Variants in TRIM43B observed in about 807,000 individuals in gnomAD.
TRIM43B encodes tripartite motif containing 43B.
Under a neutral mutation model 27.0 loss-of-function variants are expected in TRIM43B, and 15 were observed. The observed-to-expected ratio is 0.55, with a 90% CI of 0.37 to 0.85. The LOEUF is 0.85. TRIM43B is among the 40% of genes least tolerant of loss of function. TRIM43B has a pLI of 0.00. For missense variants in TRIM43B, 172 were observed against 289.8 expected (o/e 0.59, Z 2.95); for synonymous variants, 69 against 97.8 (o/e 0.71, Z 1.74).
At position 95,482,300 on chromosome 2, in the gene TRIM43B, T is replaced by G; in HGVS notation, c.411+4A>C. On this transcript the variant is annotated splice_donor_region_variant and intron_variant, in intron 2 of 6. Transcript: ENST00000639673. Reference sequence around the variant, plus strand: ...TTTCAGGTGATCACAGAGCTATCTCTTACCCGGTCTTCCTCAGCTGCCTCT... The same window carrying G: ...TTTCAGGTGATCACAGAGCTATCTCGTACCCGGTCTTCCTCAGCTGCCTCT... 6.2e-7 allele frequency: 1 copy of G among 1,611,480 alleles called. No homozygotes were observed. The highest frequency in any genetic ancestry group is 8.5e-7 in the Non-Finnish European group (1 of 1,179,672).
intron 1 of TRIM43B, among the ~76,000 whole-genome samples, chr2:95,484,068 TAAAAAAAA>T (rs33962775): frequency 9.2e-6 from 1 of 108,420 alleles, no homozygotes; most frequent in Non-Finnish European, 1.8e-5. Flanking sequence ...TATATAAATT[TAAAAAAAA>T]AAAAAAAAAA....
exon 2 of TRIM43B, chr2:95,482,546 C>G (rs772886426): frequency 6.2e-7 from 1 of 1,611,788 alleles, no homozygotes; most frequent in East Asian, 2.2e-5. Flanking sequence ...GGTGATGGTT[C>G]CCTGCATGCA....
At chr2:95,480,766 C>G (rs1293568251) in intron 3 of TRIM43B, among the ~76,000 whole-genome samples, 1 of 152,110 alleles carries the variant, frequency 6.6e-6, no homozygotes, top group Non-Finnish European at 1.5e-5. Context: ...AATTAGAAAA[C>G]AACTAAAATT....
At chr2:95,481,739 A>G (rs765719673) in intron 2 of TRIM43B, 49 bp from the exon 3 acceptor site, 2 of 1,585,082 alleles carry the variant, frequency 1.3e-6, no homozygotes, top group Admixed American at 3.5e-5. Flanking sequence ...CAAAGATTCC[A>G]CCATCTGAGT....
chr2:95,483,590 G>T (rs1287037063), intron 1 of TRIM43B, among the ~76,000 whole-genome samples: 1 of 151,284 alleles, frequency 6.6e-6, no homozygotes, highest in African/African-American at 2.4e-5. Flanking sequence ...AGGCCGAGGT[G>T]GCTGAGGCTG....
intron 1 of TRIM43B, among the ~76,000 whole-genome samples, chr2:95,484,111 C>T (rs933458876): frequency 6.7e-6 from 1 of 150,272 alleles, no homozygotes. Context: ...TGGCTCAGGC[C>T]TGTAATCCCA....
At chr2:95,483,358 G>A (rs552660545) in intron 1 of TRIM43B, among the ~76,000 whole-genome samples, 1 of 152,170 alleles carries the variant, frequency 6.6e-6, no homozygotes, top group East Asian at 1.9e-4. Flanking sequence ...AAACTTTCTG[G>A]CATGTTTCCT....
intron 2 of TRIM43B, 22 bp from the exon 3 acceptor site, chr2:95,481,712 A>T: frequency 6.2e-7 from 1 of 1,606,686 alleles, no homozygotes; most frequent in South Asian, 1.1e-5. Context: ...TTAAAGGTTG[A>T]ACAGAAAGTC....
chr2:95,480,467 C>T (rs1157029157), exon 4 of TRIM43B: 6 of 1,603,432 alleles, frequency 3.7e-6, no homozygotes, highest in Admixed American at 1.7e-5. Context: ...GTTTTTCTTC[C>T]TTATGGAGAA....
At position 95,484,641 on chromosome 2, in the gene TRIM43B, T is replaced by C. The variant is rs553593406; in HGVS notation, c.-40A>G. 72 of 152,260 alleles carry C rather than the reference T, an allele frequency of 4.7e-4. 1 individual carries two copies. The highest frequency in any genetic ancestry group is 1.5e-3 in the African/African-American group (64 of 41,576). 9.4% of individuals were successfully genotyped at this position (152,260 alleles called of 1,614,324 possible). ...TATCTATGTTCTCACCAAAGCTTGCTGTCGAATCAGATGGATTCAGCTCAG... is the reference window on the plus strand; with the variant it reads ...TATCTATGTTCTCACCAAAGCTTGCCGTCGAATCAGATGGATTCAGCTCAG... On this transcript the variant is annotated 5_prime_UTR_variant, in exon 1 of 7. Coordinates refer to ENST00000639673, the Ensembl canonical transcript of TRIM43B.
intron 2 of TRIM43B, 96 bp from the exon 3 acceptor site, chr2:95,481,786 T>C (rs1683531647): frequency 7.5e-7 from 1 of 1,338,204 alleles, no homozygotes. Context: ...TATAAATACA[T>C]TAGTGAGAGG....
intron 2 of TRIM43B, 86 bp downstream of exon 2, chr2:95,482,218 G>A (rs1236366994): frequency 7.5e-7 from 1 of 1,336,344 alleles, no homozygotes; most frequent in South Asian, 1.5e-5. Flanking sequence ...AAAGAATGGA[G>A]TAATCACCGT....
chr2:95,481,492 G>A (rs1573603812), intron 3 of TRIM43B, 103 bp downstream of exon 3: 18 of 893,370 alleles, frequency 2.0e-5, no homozygotes, highest in Non-Finnish European at 2.8e-5. Context: ...ATAAACACAT[G>A]ACAAAATCTG....
chr2:95,484,272 G>A (rs531712608), intron 1 of TRIM43B, among the ~76,000 whole-genome samples: 2 of 151,766 alleles, frequency 1.3e-5, no homozygotes, highest in Admixed American at 6.6e-5. Flanking sequence ...CTCTGGAGGC[G>A]GAGGCTGAAG....
At chr2:95,480,683 T>C in intron 3 of TRIM43B, 148 bp from the exon 4 acceptor site, 1 of 649,578 alleles carries the variant, frequency 1.5e-6, no homozygotes, top group South Asian at 2.0e-5. Flanking sequence ...TCAAAATTTA[T>C]GTAATTCATC....
chr2:95,483,293 A>G (rs1683571280), intron 1 of TRIM43B, among the ~76,000 whole-genome samples: 2 of 152,134 alleles, frequency 1.3e-5, no homozygotes, highest in Admixed American at 1.3e-4. Context: ...TACCTCTCCA[A>G]GGTAAAGCTA....
intron 2 of TRIM43B, among the ~76,000 whole-genome samples, chr2:95,481,961 G>A (rs1192026582): frequency 7.9e-5 from 12 of 151,588 alleles, no homozygotes; most frequent in African/African-American, 2.7e-4. Context: ...GCTAGCCCCT[G>A]ATTTTGTAGT....
At chr2:95,480,534 C>T in exon 4 of TRIM43B, 2 of 1,607,998 alleles carry the variant, frequency 1.2e-6, no homozygotes, top group East Asian at 2.3e-5. Context: ...AACCACATCG[C>T]CCTGTAGGGA....
At chr2:95,484,437 G>A (rs1324234896) in intron 1 of TRIM43B, among the ~76,000 whole-genome samples, 169 bp downstream of exon 1, 4 of 148,512 alleles carry the variant, frequency 2.7e-5, no homozygotes, top group Non-Finnish European at 6.0e-5. Flanking sequence ...ATAAACCTAT[G>A]GATTATGTTT....
Sources: allele counts gnomAD v4.1 joint callset (sites outside exome capture counted in the v4.1 genomes callset), GRCh38; gene constraint gnomAD v4.1.1; transcripts MANE v1.5; gene names NCBI Gene and HGNC (gene_info 2026-07-23, HGNC 2026-07-21).